Variants in CADM1 observed in about 807,000 individuals in gnomAD.
CADM1 encodes the protein cell adhesion molecule 1.
A neutral mutation model predicts 53.1 loss-of-function variants in CADM1; 15 were observed. The observed-to-expected ratio is 0.28, with a 90% CI of 0.19 to 0.44. The LOEUF is 0.44. CADM1 is among the 20% of genes least tolerant of loss of function. The pLI is 1.00. For missense variants in CADM1, 434 were observed against 611.3 expected (o/e 0.71, Z 3.06); for synonymous variants, 281 against 243.0 (o/e 1.16, Z -1.45).
At chr11:115,306,105 T>C (rs10891826) in intron 1 of CADM1, among the ~76,000 whole-genome samples, 4,538 of 17,724 alleles carry the variant, frequency 0.26, 207 homozygotes, top group African/African-American at 0.39. Context: ...CACACACACA[T>C]ACCGTCATGT....
At chr11:115,340,663 T>A (rs1252470873) in intron 1 of CADM1, among the ~76,000 whole-genome samples, 41 of 104,998 alleles carry the variant, frequency 3.9e-4, no homozygotes, top group African/African-American at 9.8e-4. Context: ...TATATATTTT[T>A]TTTTTTTTTT....
intron 1 of CADM1, among the ~76,000 whole-genome samples, chr11:115,317,991 C>T (rs1388051678): frequency 2.0e-5 from 3 of 150,004 alleles, no homozygotes; most frequent in Admixed American, 2.0e-4. Flanking sequence ...ACTACACACA[C>T]ACACACACAC....
chr11:115,357,854 C>A (rs184848103), intron 1 of CADM1, among the ~76,000 whole-genome samples: 6 of 152,192 alleles, frequency 3.9e-5, no homozygotes, highest in Non-Finnish European at 7.4e-5. Flanking sequence ...GAACCTCTCA[C>A]AGGTTAGACA....
At chr11:115,446,798 G>C (rs1948460871) in intron 1 of CADM1, among the ~76,000 whole-genome samples, 1 of 152,160 alleles carries the variant, frequency 6.6e-6, no homozygotes, top group Admixed American at 6.5e-5. Flanking sequence ...GCATGTCCTG[G>C]AGGGGTATCC....
At chr11:115,433,038 T>A (rs529015738) in intron 1 of CADM1, among the ~76,000 whole-genome samples, 1 of 152,116 alleles carries the variant, frequency 6.6e-6, no homozygotes, top group African/African-American at 2.4e-5. Context: ...AAGTTCAAGA[T>A]CCCTTTAATA....
At chr11:115,238,862 A>G (rs919745053) in intron 2 of CADM1, among the ~76,000 whole-genome samples, 6 of 146,632 alleles carry the variant, frequency 4.1e-5, no homozygotes, top group Admixed American at 6.8e-5. Context: ...GTGCGTGTGC[A>G]TATATATATA....
At chr11:115,197,711 G>A (rs1161722843) in intron 9 of CADM1, among the ~76,000 whole-genome samples, 1 of 152,146 alleles carries the variant, frequency 6.6e-6, no homozygotes, top group Non-Finnish European at 1.5e-5. Context: ...ACACACACCA[G>A]TAACTTATTT....
At chr11:115,424,745 T>G (rs1354314744) in intron 1 of CADM1, among the ~76,000 whole-genome samples, 1 of 152,028 alleles carries the variant, frequency 6.6e-6, no homozygotes, top group Non-Finnish European at 1.5e-5. Flanking sequence ...AGGCTTGTTT[T>G]GAACTCCTGA....
intron 1 of CADM1, among the ~76,000 whole-genome samples, chr11:115,359,952 A>C (rs1945983920): frequency 6.6e-6 from 1 of 152,176 alleles, no homozygotes; most frequent in African/African-American, 2.4e-5. Flanking sequence ...GGTATCCTTC[A>C]TTCAATCACA....
At chr11:115,243,783 C>T (rs946627589) in intron 1 of CADM1, among the ~76,000 whole-genome samples, 1 of 152,142 alleles carries the variant, frequency 6.6e-6, no homozygotes, top group Admixed American at 6.5e-5. Context: ...AACTTTGGTG[C>T]CTTTCTTCAA....
chr11:115,479,892 G>A (rs571412483), intron 1 of CADM1, among the ~76,000 whole-genome samples: 113 of 152,224 alleles, frequency 7.4e-4, no homozygotes, highest in Admixed American at 2.7e-3. Flanking sequence ...CACTCTAGAT[G>A]GAGAGACTAT....
At chr11:115,347,210 CAA>C (rs1945602700) in intron 1 of CADM1, among the ~76,000 whole-genome samples, 1 of 152,002 alleles carries the variant, frequency 6.6e-6, no homozygotes, top group Non-Finnish European at 1.5e-5. Context: ...CTTCCTGCGC[CAA>C]AGACAATCCG....
At chr11:115,354,674 G>A (rs1284140291) in intron 1 of CADM1, among the ~76,000 whole-genome samples, 1 of 152,150 alleles carries the variant, frequency 6.6e-6, no homozygotes, top group Non-Finnish European at 1.5e-5. Context: ...GCAATAGGGA[G>A]GTCATGGGAA....
chr11:115,360,322 A>G (rs7107573), intron 1 of CADM1, among the ~76,000 whole-genome samples: 1 of 151,978 alleles, frequency 6.6e-6, no homozygotes, highest in African/African-American at 2.4e-5. Flanking sequence ...TATATTGCTG[A>G]TAAGAGTTTT....
intron 1 of CADM1, among the ~76,000 whole-genome samples, chr11:115,391,183 T>G (rs748978841): frequency 7.9e-5 from 12 of 152,124 alleles, no homozygotes; most frequent in Non-Finnish European, 1.8e-4. Flanking sequence ...ATAAAAAAAA[T>G]GAGTACAATT....
At chr11:115,479,815 G>A (rs936941997) in intron 1 of CADM1, among the ~76,000 whole-genome samples, 1 of 152,164 alleles carries the variant, frequency 6.6e-6, no homozygotes, top group Admixed American at 6.5e-5. Context: ...CTTAGTTCTT[G>A]TCTAGGCTAA....
At chr11:115,355,563 G>A (rs890757883) in intron 1 of CADM1, among the ~76,000 whole-genome samples, 4 of 152,132 alleles carry the variant, frequency 2.6e-5, no homozygotes, top group African/African-American at 9.6e-5. Flanking sequence ...ACAAATCACT[G>A]TGGCGTAAGT....
chr11:115,501,961 A>G (rs1441397293), intron 1 of CADM1, among the ~76,000 whole-genome samples: 1 of 152,192 alleles, frequency 6.6e-6, no homozygotes, highest in African/African-American at 2.4e-5. Flanking sequence ...TCTCCTCACT[A>G]CAAATCATAC....
chr11:115,243,407 G>A (rs951187933), intron 1 of CADM1, among the ~76,000 whole-genome samples: 3 of 152,186 alleles, frequency 2.0e-5, no homozygotes, highest in Non-Finnish European at 4.4e-5. Flanking sequence ...CTTGTCTGAT[G>A]GTGGTGGCCC....
Sources: allele counts gnomAD v4.1 joint callset (sites outside exome capture counted in the v4.1 genomes callset), GRCh38; gene constraint gnomAD v4.1.1; transcripts MANE v1.5; gene names NCBI Gene and HGNC (gene_info 2026-07-23, HGNC 2026-07-21).